GMPS: variants seen among roughly 807,000 people sequenced by gnomAD.
GMPS encodes the protein guanosine monophosphate synthase, also known as GMP synthase [glutamine-hydrolyzing].
A neutral mutation model predicts 77.9 loss-of-function variants in GMPS; 15 were observed. That is an observed-to-expected ratio of 0.19 (90% CI 0.13 to 0.30). GMPS has a LOEUF of 0.30. GMPS is among the 10% of genes least tolerant of loss of function. GMPS has a pLI of 1.00. For synonymous variants in GMPS, 224 were observed against 275.9 expected (o/e 0.81, Z 1.86); for missense variants, 590 against 838.8 (o/e 0.70, Z 3.66).
intron 8 of GMPS, among the ~76,000 whole-genome samples, chr3:155,915,504 C>T (rs894582159): frequency 6.6e-6 from 1 of 152,048 alleles, no homozygotes; most frequent in Non-Finnish European, 1.5e-5. Flanking sequence ...AGGGTTCAAG[C>T]GATTCTCCTG....
intron 3 of GMPS, among the ~76,000 whole-genome samples, chr3:155,901,025 T>C (rs986545848): frequency 6.6e-6 from 1 of 152,128 alleles, no homozygotes. Context: ...TTCTTTGCTT[T>C]AGAAGAAAAA....
intron 1 of GMPS, among the ~76,000 whole-genome samples, chr3:155,884,498 T>G (rs555324227): frequency 7.2e-5 from 11 of 152,206 alleles, no homozygotes; most frequent in Non-Finnish European, 1.6e-4. Context: ...CATACGTATA[T>G]TGTGTCAACA....
chr3:155,879,265 CTTTTTT>C (rs370727242), intron 1 of GMPS, among the ~76,000 whole-genome samples: 53 of 122,616 alleles, frequency 4.3e-4, no homozygotes, highest in African/African-American at 1.4e-3. Flanking sequence ...CTGCACTTGT[CTTTTTT>C]TTTTTTTTTT....
chr3:155,935,028 A>G lies in GMPS; in HGVS notation c.1789A>G (p.Asn597Asp), dbSNP rs1394916286. 1 of 1,609,918 alleles carries G rather than the reference A, an allele frequency of 6.2e-7. No homozygotes were observed. Among genetic ancestry groups the G allele is most frequent in the African/African-American group, 1.3e-5 (1 of 74,940 alleles). The change falls in exon 14 of 16, where the codon AAC becomes GAC. Residue 597 changes from asparagine (N) to aspartate (D), a missense_variant. By Grantham distance (23) the Asn-to-Asp change is conservative (BLOSUM62 1). Transcript: ENST00000496455. ...TLRQADFEAHNILRESGYAGK... is the reference protein window; with the variant it reads ...TLRQADFEAHDILRESGYAGK... Reference sequence around the variant, plus strand: ...ACGCCAAGCTGATTTTGAGGCCCATAACATTCTCAGGGAGTCTGGTAAGTT... The same window carrying G: ...ACGCCAAGCTGATTTTGAGGCCCATGACATTCTCAGGGAGTCTGGTAAGTT...
At chr3:155,915,146 A>T (rs1418865895) in intron 8 of GMPS, among the ~76,000 whole-genome samples, 1 of 151,934 alleles carries the variant, frequency 6.6e-6, no homozygotes, top group African/African-American at 2.4e-5. Flanking sequence ...TTAAGAGTAG[A>T]TGTATTCAGC....
chr3:155,923,338 G>A (rs187653280), intron 11 of GMPS, among the ~76,000 whole-genome samples: 2 of 152,126 alleles, frequency 1.3e-5, no homozygotes, highest in East Asian at 3.9e-4. Flanking sequence ...TAAGATGGAA[G>A]GATAAGGCAA....
chr3:155,916,751 A>G (rs1429782946), intron 9 of GMPS, among the ~76,000 whole-genome samples: 1 of 152,070 alleles, frequency 6.6e-6, no homozygotes, highest in Non-Finnish European at 1.5e-5. Flanking sequence ...TTTTGTGGAT[A>G]TGTGTTTTTA....
rs1560058491 is a variant in GMPS, at chr3:155,942,706, T to G, written c.*5014T>G. The G allele has an allele frequency of 4.4e-6, 1 of 227,860 alleles. No homozygotes were observed. Among genetic ancestry groups the G allele is most frequent in the Non-Finnish European group, 8.7e-6 (1 of 114,662 alleles). 14.1% of individuals were successfully genotyped at this position (227,860 alleles called of 1,614,324 possible). A position where few individuals can be genotyped will look rare whatever the true frequency, so the allele number is the denominator to read the frequency against. On this transcript the variant is annotated 3_prime_UTR_variant, in exon 16 of 16. Coordinates refer to ENST00000496455, the MANE Select transcript of GMPS (RefSeq NM_003875.3). ...TGTGTAGGCTGTTCTTTCAACCTCT[T>G]TCTTCTTACTTCTTTACTTTTCCTT...
At chr3:155,917,957 C>G (rs1352957752) in intron 9 of GMPS, among the ~76,000 whole-genome samples, 3 of 152,110 alleles carry the variant, frequency 2.0e-5, no homozygotes, top group African/African-American at 7.2e-5. Flanking sequence ...TTTTGTTTAT[C>G]TTTTGGATAT....
chr3:155,879,528 A>G (rs1366616123), intron 1 of GMPS, among the ~76,000 whole-genome samples: 1 of 152,030 alleles, frequency 6.6e-6, no homozygotes, highest in Middle Eastern at 3.4e-3. Context: ...TGGCCTCTCA[A>G]AGTGCTGGGA....
At chr3:155,935,165 T>G (rs746099245) in intron 14 of GMPS, 119 bp downstream of exon 14, 1 of 745,090 alleles carries the variant, frequency 1.3e-6, no homozygotes, top group Non-Finnish European at 2.3e-6. Flanking sequence ...TATTTAAATC[T>G]TTGAATGTTC....
intron 1 of GMPS, among the ~76,000 whole-genome samples, chr3:155,881,443 G>T (rs967011169): frequency 2.0e-5 from 3 of 151,892 alleles, no homozygotes; most frequent in Non-Finnish European, 4.4e-5. Flanking sequence ...AAGTGCTGGG[G>T]TTACAGGCGT....
chr3:155,892,025 C>T (rs569498047), intron 1 of GMPS, among the ~76,000 whole-genome samples: 1 of 152,226 alleles, frequency 6.6e-6, no homozygotes, highest in African/African-American at 2.4e-5. Flanking sequence ...GGCTAAAGGA[C>T]TGACTTAAGG....
rs954541118 is a variant in GMPS, at chr3:155,876,989, C to T, written c.27+6092C>T. On this transcript the variant is annotated intron_variant, in intron 1 of 15. Coordinates refer to ENST00000496455, the MANE Select transcript of GMPS (RefSeq NM_003875.3). Reference sequence around the variant, plus strand: ...GTGAAGTTTTCTGTTTAGTTACTCCCGTTTGTCACTGGAAAAACAGTAACC... The same window carrying T: ...GTGAAGTTTTCTGTTTAGTTACTCCTGTTTGTCACTGGAAAAACAGTAACC... 5.3e-5 allele frequency among the ~76,000 whole-genome samples: 8 copies of T among 152,128 alleles called. No individual in the cohort carries two copies. In the South Asian group the frequency reaches 1.0e-3, roughly 20 times the overall value.
At chr3:155,936,012 A>C (rs529743239) in intron 14 of GMPS, among the ~76,000 whole-genome samples, 1 of 152,286 alleles carries the variant, frequency 6.6e-6, no homozygotes, top group African/African-American at 2.4e-5. Flanking sequence ...CCCCTGGGAG[A>C]AATGGTTCAG....
At chr3:155,915,826 G>A (rs1755163754) in intron 8 of GMPS, among the ~76,000 whole-genome samples, 193 bp from the exon 9 acceptor site, 1 of 152,214 alleles carries the variant, frequency 6.6e-6, no homozygotes, top group African/African-American at 2.4e-5. Flanking sequence ...GTGAGCCACT[G>A]TGTTTGGCCT....
At chr3:155,876,712 C>T (rs115048282) in intron 1 of GMPS, among the ~76,000 whole-genome samples, 116 of 152,198 alleles carry the variant, frequency 7.6e-4, no homozygotes, top group African/African-American at 2.7e-3. Flanking sequence ...GATTTCTCCC[C>T]AGTGATGTGT....
At chr3:155,889,266 T>C (rs1577505161) in intron 1 of GMPS, among the ~76,000 whole-genome samples, 1 of 152,234 alleles carries the variant, frequency 6.6e-6, no homozygotes, top group East Asian at 1.9e-4. Flanking sequence ...GTCCTGTTAG[T>C]TTTGGTCATC....
chr3:155,911,060 T>C, intron 6 of GMPS, 54 bp from the exon 7 acceptor site: 1 of 1,413,124 alleles, frequency 7.1e-7, no homozygotes. Flanking sequence ...GCCAATAGTG[T>C]TTATTTTCTT....
Sources: gnomAD v4.1 joint callset for allele counts (sites outside exome capture counted in the v4.1 genomes callset) on GRCh38, gnomAD v4.1.1 for gene constraint, MANE v1.5 for transcripts, NCBI Gene and HGNC (gene_info 2026-07-23, HGNC 2026-07-21) for gene names.